The following DENND1A variants were observed in gnomAD, a reference collection of about 807,000 sequenced individuals.
DENND1A encodes the protein DENN domain-containing protein 1A.
Under a neutral mutation model 113.7 loss-of-function variants are expected in DENND1A, and 51 were observed. The ratio of observed to expected loss-of-function variants is 0.45; its 90% CI spans 0.36 to 0.57. The LOEUF (loss-of-function observed/expected upper bound fraction) is 0.57, where lower values mean the gene tolerates loss of function less well. DENND1A is among the 20% of genes least tolerant of loss of function. The pLI is 0.00. For synonymous variants in DENND1A, 565 were observed against 570.8 expected, an observed-to-expected ratio of 0.99 and a Z score of 0.14; for missense variants, 1,258 against 1,395.9, an observed-to-expected ratio of 0.90 and a Z score of 1.57.
intron 9 of DENND1A, among the ~76,000 whole-genome samples, chr9:123,643,855 G>C (rs957685929): frequency 6.6e-6 from 1 of 152,242 alleles, no homozygotes; most frequent in Admixed American, 6.5e-5. Flanking sequence ...GACAGGGCTT[G>C]CCGAATCTGA....
At chr9:123,628,535 T>A (rs2061339389) in intron 10 of DENND1A, among the ~76,000 whole-genome samples, 1 of 151,654 alleles carries the variant, frequency 6.6e-6, no homozygotes. Context: ...GGCCCAGGGG[T>A]TTGAAAACAC....
chr9:123,504,340 C>T (rs903095711), intron 13 of DENND1A, among the ~76,000 whole-genome samples: 5 of 152,176 alleles, frequency 3.3e-5, no homozygotes, highest in Non-Finnish European at 5.9e-5. Context: ...TTTTCACCCC[C>T]ACTGGGAGGT....
chr9:123,787,051 A>G (rs902717754), intron 3 of DENND1A, among the ~76,000 whole-genome samples: 8 of 152,178 alleles, frequency 5.3e-5, no homozygotes, highest in South Asian at 2.1e-4. Flanking sequence ...CTCAATTCCA[A>G]TGTGAAGACC....
At position 123,381,983 on chromosome 9, in the gene DENND1A, G is replaced by A. The variant is rs116352541; in HGVS notation, c.2662C>T (p.Pro888Ser). The change falls in exon 24 of 24, where the codon CCA becomes TCA. Residue 888 changes from proline (P) to serine (S), a missense_variant. Transcript: ENST00000394215. The surrounding 1 kb of genome is among the most constrained non-coding windows in gnomAD (Gnocchi z 4.7). ...ACAAAGGGGTTGAGTGGTGGCTGTG[G>A]GAATGGGGTGGGTGTCCCTGCAGGG... ...FPPAGTPTPFPQPPLNPFVPS... is the reference protein window; with the variant it reads ...FPPAGTPTPFSQPPLNPFVPS... 3.2e-3 allele frequency: 4,772 copies of A among 1,477,128 alleles called. 12 individuals carry two copies. The highest frequency in any genetic ancestry group is 0.019 in the African/African-American group (1,346 of 71,162). 91.5% of individuals were successfully genotyped at this position (1,477,128 alleles called of 1,614,324 possible).
intron 21 of DENND1A, among the ~76,000 whole-genome samples, chr9:123,398,003 G>A (rs1227470707): frequency 6.6e-6 from 1 of 152,228 alleles, no homozygotes; most frequent in Non-Finnish European, 1.5e-5. Context: ...AAGGTGTGCA[G>A]TCGAAAGCAC....
At chr9:123,567,696 C>T (rs2058131099) in intron 12 of DENND1A, among the ~76,000 whole-genome samples, 1 of 152,188 alleles carries the variant, frequency 6.6e-6, no homozygotes. Context: ...GAATGTCTCA[C>T]AATGACTCTG....
intron 13 of DENND1A, among the ~76,000 whole-genome samples, chr9:123,516,917 A>AAAAAAAAAAAAAAAAAC (rs2053974787): frequency 7.9e-6 from 1 of 127,026 alleles, no homozygotes; most frequent in Non-Finnish European, 1.7e-5. Context: ...AAAAAAAAAA[A>AAAAAAAAAAAAAAAAAC]AAGAACGGAC....
chr9:123,901,724 T>A (rs1226439851), intron 1 of DENND1A, among the ~76,000 whole-genome samples: 1 of 152,096 alleles, frequency 6.6e-6, no homozygotes, highest in African/African-American at 2.4e-5. Context: ...CCTGGACTCT[T>A]AAAATAAAGG....
In DENND1A at chr9:123,671,389, C is replaced by A. The variant is rs577889606; in HGVS notation, c.373-18G>T. On this transcript the variant is annotated intron_variant, in intron 6 of 23. Transcript: ENST00000394215. ...TGATTTTCCTGAAAGAAATAAAAGG[C>A]CTAAGTAACAAAAGCAAGGCTGAGC... The A allele has an allele frequency of 1.3e-5, 21 of 1,613,106 alleles. No homozygotes were observed. The highest frequency in any genetic ancestry group is 1.7e-5 in the Non-Finnish European group (20 of 1,179,682).
chr9:123,739,900 C>T, intron 5 of DENND1A, among the ~76,000 whole-genome samples: 1 of 145,422 alleles, frequency 6.9e-6, no homozygotes, highest in Admixed American at 7.0e-5. Flanking sequence ...AGAGTGTGTT[C>T]TTAATTCCCT....
At position 123,582,793 on chromosome 9, in the gene DENND1A, G is replaced by A. The variant is rs978891307; in HGVS notation, c.867+376C>T. Among the ~76,000 whole-genome samples, 7 of 151,946 alleles carry A rather than the reference G, an allele frequency of 4.6e-5. No individual in the cohort carries two copies. The East Asian group carries it at 5.8e-4, about 13-fold the overall frequency. ...CAGCTCAATGCAACCTCCACCTCCC[G>A]GGTTCAAGTGATTCTCCTGCCTCAG... On this transcript the variant is annotated intron_variant, in intron 12 of 23. Transcript: ENST00000394215.
chr9:123,577,686 G>A (rs1041556590), intron 12 of DENND1A, among the ~76,000 whole-genome samples: 1 of 152,174 alleles, frequency 6.6e-6, no homozygotes, highest in African/African-American at 2.4e-5. Flanking sequence ...AAATAGGTTT[G>A]TTTAAAACTT....
At chr9:123,651,898 C>A in intron 9 of DENND1A, 115 bp downstream of exon 9, 1 of 716,848 alleles carries the variant, frequency 1.4e-6, no homozygotes, top group East Asian at 2.8e-5. Flanking sequence ...TGACATGCTG[C>A]CATATAAGGG....
At chr9:123,805,978 G>A (rs765882415) in intron 2 of DENND1A, among the ~76,000 whole-genome samples, 23 of 152,112 alleles carry the variant, frequency 1.5e-4, no homozygotes, top group Non-Finnish European at 3.1e-4. Flanking sequence ...TTTTCAGATG[G>A]AGTCTCGCTC....
intron 2 of DENND1A, among the ~76,000 whole-genome samples, chr9:123,844,633 G>C (rs755321761): frequency 1.7e-4 from 26 of 152,106 alleles, no homozygotes; most frequent in Non-Finnish European, 3.2e-4. Flanking sequence ...TTGTTAAGCT[G>C]ACAATCCTCC....
intron 8 of DENND1A, among the ~76,000 whole-genome samples, chr9:123,652,845 A>G (rs2139437357): frequency 6.6e-6 from 1 of 152,340 alleles, no homozygotes. Context: ...CCACCCCTGT[A>G]GCCTGGGCTT....
chr9:123,881,652 G>A (rs1319668738), intron 1 of DENND1A, among the ~76,000 whole-genome samples: 1 of 152,110 alleles, frequency 6.6e-6, no homozygotes, highest in Admixed American at 6.5e-5. Context: ...AGCATGCAAA[G>A]GTGTTATATC....
chr9:123,713,728 CTA>C (rs993274322), intron 5 of DENND1A, among the ~76,000 whole-genome samples: 18 of 151,834 alleles, frequency 1.2e-4, no homozygotes, highest in Non-Finnish European at 2.6e-4. Flanking sequence ...GAAATTCACA[CTA>C]TGTTGATAAT....
intron 1 of DENND1A, among the ~76,000 whole-genome samples, chr9:123,909,499 G>A (rs974701526): frequency 1.3e-5 from 2 of 151,862 alleles, no homozygotes; most frequent in Non-Finnish European, 2.9e-5. Context: ...ATCCATTCAT[G>A]ACAAAAACTC....
Sources: allele counts gnomAD v4.1 joint callset (sites outside exome capture counted in the v4.1 genomes callset), GRCh38; gene constraint gnomAD v4.1.1; non-coding constraint Gnocchi (gnomAD v3.1); transcripts MANE v1.5; gene names NCBI Gene and HGNC (gene_info 2026-07-23, HGNC 2026-07-21).